Variants in LYST observed in about 807,000 individuals in gnomAD.
LYST encodes lysosomal trafficking regulator.
In LYST, 192 loss-of-function variants were observed where a neutral mutation model predicts 413.6. The ratio of observed to expected loss-of-function variants is 0.46; its 90% CI spans 0.41 to 0.52. The LOEUF (loss-of-function observed/expected upper bound fraction) is 0.52. LYST is among the 20% of genes least tolerant of loss of function. The pLI, the probability that LYST is intolerant of heterozygous loss-of-function variation, is 0.00. For synonymous variants in LYST, 1,525 were observed against 1,567.3 expected, an observed-to-expected ratio of 0.97 and a Z score of 0.64; for missense variants, 3,815 against 4,499.9, an observed-to-expected ratio of 0.85 and a Z score of 4.35.
In LYST at chr1:235,724,065, T is replaced by C. The variant is rs1482122911; in HGVS notation, c.9278A>G (p.Asn3093Ser). Reference protein sequence around the residue: ...RDNAVEIFLTNGRTLLLAFDN... With the variant: ...RDNAVEIFLTSGRTLLLAFDN... ...AAATGCCAACAGGAGTGTTCTGCCA[T>C]TTGTTAGAAAGATTTCTACAGCATT... The change falls in exon 39 of 53, where the codon AAT becomes AGT. Residue 3093 changes from asparagine (N) to serine (S), a missense_variant. Asn to Ser is a conservative substitution (Grantham distance 46). Around this residue, in one of 4 missense-constraint regions of LYST, gnomAD observed 866 missense variants for 1,156.0 expected, o/e 0.75. Coordinates refer to ENST00000389793, the MANE Select transcript of LYST (RefSeq NM_000081.4). 6.2e-7 allele frequency: 1 copy of C among 1,613,820 alleles called. No homozygotes were observed. Among genetic ancestry groups the C allele is most frequent in the Non-Finnish European group, 8.5e-7 (1 of 1,179,826 alleles).
In LYST at chr1:235,809,826, A is replaced by AT; in HGVS notation, c.991_992insA (p.Val331AspfsTer10). ...AACATCTACTGACAGAAGATGCAAC[A>AT]CTGTTCGAAAGAGCATCCTTTGAAT... On this transcript the variant is annotated frameshift_variant, in exon 5 of 53. Coordinates refer to ENST00000389793, the MANE Select transcript of LYST (RefSeq NM_000081.4). LOFTEE classifies it high-confidence loss of function. This position sits in a 1 kb window ranked among gnomAD's most constrained non-coding sequence, Gnocchi z 4.0. The AT allele has an allele frequency of 6.2e-7, 1 of 1,614,000 alleles. No homozygotes were observed. Among genetic ancestry groups the AT allele is most frequent in the Non-Finnish European group, 8.5e-7 (1 of 1,179,960 alleles).
At chr1:235,805,359 C>T (rs1462692883) in intron 6 of LYST, among the ~76,000 whole-genome samples, 1 of 152,100 alleles carries the variant, frequency 6.6e-6, no homozygotes, top group African/African-American at 2.4e-5. Context: ...GCATCCTTCC[C>T]AGGCATCTTC....
chr1:235,743,319 T>C, intron 30 of LYST, among the ~76,000 whole-genome samples: 1 of 152,188 alleles, frequency 6.6e-6, no homozygotes, highest in East Asian at 1.9e-4. Context: ...AGGGCCCTGT[T>C]TGAGTGACTG....
At chr1:235,748,837 G>A (rs1666175063) in intron 28 of LYST, among the ~76,000 whole-genome samples, 1 of 152,192 alleles carries the variant, frequency 6.6e-6, no homozygotes, top group African/African-American at 2.4e-5. Flanking sequence ...GGGGTTCAGG[G>A]CTTGAGTAAA....
intron 28 of LYST, among the ~76,000 whole-genome samples, chr1:235,750,641 G>A (rs2103302848): frequency 6.6e-6 from 1 of 152,268 alleles, no homozygotes; most frequent in Non-Finnish European, 1.5e-5. Context: ...AAAGATGATA[G>A]CAGATTTTGT....
chr1:235,722,271 C>G (rs761421047), intron 39 of LYST, among the ~76,000 whole-genome samples: 21 of 152,056 alleles, frequency 1.4e-4, no homozygotes, highest in Non-Finnish European at 2.9e-5. Flanking sequence ...TTGCCTTTAA[C>G]TGAATGTGAC....
intron 43 of LYST, among the ~76,000 whole-genome samples, chr1:235,709,813 T>C (rs1662265983): frequency 6.7e-6 from 1 of 149,984 alleles, no homozygotes; most frequent in Non-Finnish European, 1.5e-5. Flanking sequence ...ATTGTTAGAA[T>C]GAATTGCCAT....
intron 25 of LYST, among the ~76,000 whole-genome samples, chr1:235,755,245 C>T (rs183164677): frequency 8.8e-4 from 133 of 151,808 alleles, no homozygotes; most frequent in South Asian, 3.3e-3. Context: ...AAAAACTAGC[C>T]GGGCATGGTG....
At chr1:235,820,226 A>G (rs1019799791) in intron 3 of LYST, among the ~76,000 whole-genome samples, 2 of 152,210 alleles carry the variant, frequency 1.3e-5, no homozygotes, top group African/African-American at 4.8e-5. Flanking sequence ...AAGGGCTGAG[A>G]TCACAAACCG....
At position 235,677,197 on chromosome 1, in the gene LYST, A is replaced by G; in HGVS notation, c.10941-9T>C. 6.3e-7 allele frequency: 1 copy of G among 1,583,644 alleles called. No homozygotes were observed. The highest frequency in any genetic ancestry group is 8.7e-7 in the Non-Finnish European group (1 of 1,152,236). On this transcript the variant is annotated splice_polypyrimidine_tract_variant and intron_variant, in intron 49 of 52. Coordinates refer to ENST00000389793, the MANE Select transcript of LYST (RefSeq NM_000081.4). ...TTTGTACATAGCATAACCTGAAAGA[A>G]AAAAGACATGAATTTGTATATGATC... is the stretch of plus-strand genomic sequence containing the variant.
intron 43 of LYST, among the ~76,000 whole-genome samples, chr1:235,710,598 C>T (rs1268861337): frequency 1.3e-5 from 2 of 152,132 alleles, no homozygotes; most frequent in Admixed American, 1.3e-4. Flanking sequence ...CTGTGTTTTC[C>T]AAAAATGGCT....
intron 10 of LYST, among the ~76,000 whole-genome samples, chr1:235,796,312 T>C (rs1173386570): frequency 6.6e-6 from 1 of 152,020 alleles, no homozygotes; most frequent in Non-Finnish European, 1.5e-5. Context: ...AAGTAAACCA[T>C]CAAGAAAGTT....
chr1:235,693,621 C>T (rs1660851042), intron 46 of LYST, 135 bp from the exon 47 acceptor site: 1 of 915,176 alleles, frequency 1.1e-6, no homozygotes, highest in African/African-American at 1.7e-5. Flanking sequence ...CTTTAAATCT[C>T]TAAAATGGAA....
intron 45 of LYST, among the ~76,000 whole-genome samples, chr1:235,697,953 C>T (rs979190084): frequency 6.6e-6 from 1 of 152,150 alleles, no homozygotes; most frequent in Non-Finnish European, 1.5e-5. Context: ...TAGAGAGATA[C>T]CCATTTGGCT....
At chr1:235,691,219 C>G (rs1032673472) in intron 47 of LYST, among the ~76,000 whole-genome samples, 1 of 152,044 alleles carries the variant, frequency 6.6e-6, no homozygotes, top group African/African-American at 2.4e-5. Context: ...CGCCTGGCTA[C>G]AGTTTACAAG....
At chr1:235,807,898 T>C (rs537674107) in intron 5 of LYST, among the ~76,000 whole-genome samples, 1 of 152,214 alleles carries the variant, frequency 6.6e-6, no homozygotes. Flanking sequence ...AATCATTTTA[T>C]GTATTATTTT....
At position 235,777,014 on chromosome 1, in the gene LYST, A is replaced by G. The variant is rs752276719; in HGVS notation, c.5460+49T>C. ...AAAGAAATCCTTTAATTTATCAATA[A>G]TAAGTAAGTCATTTCTCTTTAGACA... On this transcript the variant is annotated intron_variant, in intron 17 of 52. Coordinates refer to ENST00000389793, the MANE Select transcript of LYST (RefSeq NM_000081.4). 3 of 1,548,656 alleles carry G rather than the reference A, an allele frequency of 1.9e-6. No individual in the cohort carries two copies. In the South Asian group the frequency reaches 3.4e-5, roughly 17 times the overall value.
intron 39 of LYST, among the ~76,000 whole-genome samples, chr1:235,721,163 A>C (rs1663333945): frequency 1.3e-5 from 2 of 152,208 alleles, no homozygotes; most frequent in Admixed American, 1.3e-4. Flanking sequence ...GTTTGTATAG[A>C]AAAGTCACTT....
In LYST at chr1:235,712,990, A is replaced by G. The variant is rs924371266; in HGVS notation, c.9785-793T>C. The G allele has an allele frequency of 4.1e-6, 4 of 985,290 alleles. No homozygotes were observed. In the African/African-American group the frequency reaches 5.2e-5, roughly 13 times the overall value. The allele number at this position is 985,290 out of a possible 1,614,324, so 61.0% of individuals were successfully genotyped here. On this transcript the variant is annotated intron_variant, in intron 42 of 52. Transcript: ENST00000389793. ...TCTTAGGAACCATATTGCATCATCT[A>G]AAACTCCTCTGAACTTGTTGAAATT... is the stretch of plus-strand genomic sequence containing the variant.
Sources: allele counts gnomAD v4.1 joint callset (sites outside exome capture counted in the v4.1 genomes callset), GRCh38; gene constraint gnomAD v4.1.1; regional missense constraint gnomAD v4.1.1; non-coding constraint Gnocchi (gnomAD v3.1); transcripts MANE v1.5; gene names NCBI Gene and HGNC (gene_info 2026-07-23, HGNC 2026-07-21).